Variants in LRPAP1 observed in about 807,000 individuals in gnomAD.
LRPAP1 encodes LDL receptor related protein associated protein 1, also known as alpha-2-macroglobulin receptor-associated protein.
Under a neutral mutation model 39.9 loss-of-function variants are expected in LRPAP1, and 41 were observed. That is an observed-to-expected ratio of 1.03 (90% confidence interval 0.80 to 1.33). LRPAP1 has a LOEUF of 1.33. Among genes scored for constraint, LRPAP1 ranks in the 40% most tolerant of loss-of-function variants. LRPAP1 has a pLI of 0.00. For missense variants in LRPAP1, 565 were observed against 482.3 expected (o/e 1.17, Z -1.61); for synonymous variants, 263 against 212.7 (o/e 1.24, Z -2.06).
intron 7 of LRPAP1, among the ~76,000 whole-genome samples, 154 bp from the exon 8 acceptor site, chr4:3,513,190 A>C (rs1729587628): frequency 6.6e-6 from 1 of 152,270 alleles, no homozygotes; most frequent in Non-Finnish European, 1.5e-5. Context: ...AGAAATGCTC[A>C]AATCACAAAA....
At chr4:3,513,371 G>C (rs957069947) in intron 7 of LRPAP1, among the ~76,000 whole-genome samples, 1 of 152,190 alleles carries the variant, frequency 6.6e-6, no homozygotes, top group African/African-American at 2.4e-5. Context: ...GCAGTGGCAT[G>C]ATCTCAGCTC....
Position 3,504,644 on chromosome 4 carries a change from C to T in LRPAP1, c.*8330G>A, listed in dbSNP as rs566076078. Among the ~76,000 whole-genome samples, 131 of 149,110 alleles carry T rather than the reference C, an allele frequency of 8.8e-4. 3 individuals are homozygous for T. The highest frequency in any genetic ancestry group is 2.4e-3 in the South Asian group (11 of 4,624). On this transcript the variant is annotated 3_prime_UTR_variant, in exon 8 of 8. Coordinates refer to ENST00000650182, the MANE Select transcript of LRPAP1 (RefSeq NM_002337.4). ...AGGGGCCTGTAATCCCAGCTACTTG[C>T]GAGGCTGAGGCAGGAGAATTTCTTG...
intron 3 of LRPAP1, 120 bp from the exon 4 acceptor site, chr4:3,519,111 T>A: frequency 6.8e-7 from 1 of 1,477,472 alleles, no homozygotes; most frequent in Non-Finnish European, 9.0e-7. Flanking sequence ...CCAGGCCAGG[T>A]TCTTGGCCTC....
Position 3,508,614 on chromosome 4 carries a change from C to G in LRPAP1, c.*4360G>C, listed in dbSNP as rs1729422622. 6.6e-6 allele frequency: 1 copy of G among 152,166 alleles called. No homozygotes were observed. Among genetic ancestry groups the G allele is most frequent in the African/African-American group, 2.4e-5 (1 of 41,400 alleles). The allele number at this position is 152,166 out of a possible 1,614,324, so 9.4% of individuals were successfully genotyped here. On this transcript the variant is annotated 3_prime_UTR_variant, in exon 8 of 8. Coordinates refer to ENST00000650182, the MANE Select transcript of LRPAP1 (RefSeq NM_002337.4). ...AGAAAAGGCCAATGCACCATGGCCA[C>G]AGGGACTTACCTGGAAATGCCAGGT...
intron 3 of LRPAP1, 144 bp downstream of exon 3, chr4:3,519,928 G>A: frequency 5.7e-6 from 5 of 881,226 alleles, no homozygotes; most frequent in Non-Finnish European, 6.8e-6. Flanking sequence ...CAGTGGAATG[G>A]CTTCCTTAGG....
intron 1 of LRPAP1, among the ~76,000 whole-genome samples, chr4:3,529,876 C>A (rs886743157): frequency 1.3e-5 from 2 of 152,166 alleles, no homozygotes; most frequent in Admixed American, 1.3e-4. Flanking sequence ...AACAGGGACA[C>A]GATGTTTTCA....
intron 2 of LRPAP1, among the ~76,000 whole-genome samples, chr4:3,524,455 C>T (rs1051967074): frequency 6.6e-6 from 1 of 152,260 alleles, no homozygotes; most frequent in African/African-American, 2.4e-5. Flanking sequence ...GTCCTCCGGC[C>T]CCTTCCTGCA....
intron 2 of LRPAP1, among the ~76,000 whole-genome samples, chr4:3,522,358 A>G (rs1379138604): frequency 1.3e-5 from 2 of 152,268 alleles, no homozygotes. Context: ...CACGGCTGCG[A>G]TCAGCAGCAG....
rs1161355648 is a variant in LRPAP1, at chr4:3,532,207, A to T, written c.204+2T>A. The T allele has an allele frequency of 6.5e-7, 1 of 1,547,790 alleles. No homozygotes were observed. Among genetic ancestry groups the T allele is most frequent in the Non-Finnish European group, 8.7e-7 (1 of 1,145,684 alleles). On this transcript the variant is annotated splice_donor_variant, in intron 1 of 7. Coordinates refer to ENST00000650182, the MANE Select transcript of LRPAP1 (RefSeq NM_002337.4). LOFTEE classifies it high-confidence loss of function. ...GCTCCACCGACCGCGGGCCGCGCTC[A>T]CTCGCTGGGCCTTCTCCCACAGCTG...
At chr4:3,530,980 C>T (rs576757591) in intron 1 of LRPAP1, among the ~76,000 whole-genome samples, 6 of 152,110 alleles carry the variant, frequency 3.9e-5, no homozygotes, top group Admixed American at 3.3e-4. Flanking sequence ...GCAGTGGGCA[C>T]GGGGAGGCAG....
rs115100861 is a variant in LRPAP1 at position 3,531,515 on chromosome 4, T to C, written c.204+694A>G. 3.5e-3 allele frequency among the ~76,000 whole-genome samples: 529 copies of C among 152,298 alleles called. 4 individuals carry two copies. Among genetic ancestry groups the C allele is most frequent in the African/African-American group, 0.011 (467 of 41,564 alleles). Reference sequence around the variant, plus strand: ...AACAAATGAAGCAACCGTATCTTAATGAAGAGAGCAGCTGGCCCAGGGTCA... The same window carrying C: ...AACAAATGAAGCAACCGTATCTTAACGAAGAGAGCAGCTGGCCCAGGGTCA... On this transcript the variant is annotated intron_variant, in intron 1 of 7. Transcript: ENST00000650182.
chr4:3,520,708 T>G (rs1259799922), intron 2 of LRPAP1, among the ~76,000 whole-genome samples: 5 of 152,198 alleles, frequency 3.3e-5, no homozygotes, highest in Non-Finnish European at 7.3e-5. Flanking sequence ...CTTATATTTA[T>G]TGGGAGGAAA....
intron 5 of LRPAP1, 76 bp from the exon 6 acceptor site, chr4:3,516,274 G>C: frequency 6.2e-6 from 7 of 1,126,072 alleles, no homozygotes; most frequent in Non-Finnish European, 9.1e-6. Flanking sequence ...CAACCACGCT[G>C]AGTGTGCGTG....
At position 3,518,275 on chromosome 4, in the gene LRPAP1, G is replaced by A. The variant is rs1729789587; in HGVS notation, c.593-83C>T. The stretch of plus-strand genomic sequence containing the variant: ...ACCACTGTCTAGAACGCCCACTGCT[G>A]GGGAGCTCAAACTCGCTCTCATTTC... On this transcript the variant is annotated intron_variant, in intron 4 of 7. Transcript: ENST00000650182. The A allele has an allele frequency of 4.9e-6, 7 of 1,431,838 alleles. No individual in the cohort carries two copies. The East Asian group carries it at 7.3e-5, about 15-fold the overall frequency. 88.7% of individuals were successfully genotyped at this position (1,431,838 alleles called of 1,614,324 possible).
At position 3,504,780 on chromosome 4, in the gene LRPAP1, C is replaced by A. The variant is rs1197713396; in HGVS notation, c.*8194G>T. On this transcript the variant is annotated 3_prime_UTR_variant, in exon 8 of 8. Coordinates refer to ENST00000650182, the MANE Select transcript of LRPAP1 (RefSeq NM_002337.4). ...AAAAAAAAAACCAAAAAACAAAACA[C>A]ACACACACACAGAAAAATTAGCTGG... 1.2e-4 allele frequency among the ~76,000 whole-genome samples: 18 copies of A among 147,134 alleles called. No individual in the cohort carries two copies. The East Asian group carries it at 3.6e-3, about 29-fold the overall frequency.
chr4:3,508,992 A>T lies in LRPAP1; in HGVS notation c.*3982T>A, dbSNP rs1729434333. On this transcript the variant is annotated 3_prime_UTR_variant, in exon 8 of 8. Transcript: ENST00000650182. ...ACGGAAACCCCACGAGTCCACAGAAACACCGCCATGGCCAAGGCGGGAGTT... is the reference window on the plus strand; with the variant it reads ...ACGGAAACCCCACGAGTCCACAGAATCACCGCCATGGCCAAGGCGGGAGTT... 1 of 152,244 alleles carries T rather than the reference A, an allele frequency of 6.6e-6. No homozygotes were observed. The highest frequency in any genetic ancestry group is 1.5e-5 in the Non-Finnish European group (1 of 68,054). The allele number at this position is 152,244 out of a possible 1,614,324, so 9.4% of individuals were successfully genotyped here.
chr4:3,522,178 C>A lies in LRPAP1; in HGVS notation c.350-1985G>T, dbSNP rs113891046. Among the ~76,000 whole-genome samples, 289 of 152,342 alleles carry A rather than the reference C, an allele frequency of 1.9e-3. 1 individual carries two copies. Among genetic ancestry groups the A allele is most frequent in the Middle Eastern group, 0.01 (3 of 294 alleles). On this transcript the variant is annotated intron_variant, in intron 2 of 7. Coordinates refer to ENST00000650182, the MANE Select transcript of LRPAP1 (RefSeq NM_002337.4). Reference sequence around the variant, plus strand: ...CTGCTCAGCAGCACTGAGGTCCCACCCCCAGGCCGTGCACCCCTGAGCCCG... The same window carrying A: ...CTGCTCAGCAGCACTGAGGTCCCACACCCAGGCCGTGCACCCCTGAGCCCG...
chr4:3,514,407 C>T (rs1729627382), intron 7 of LRPAP1, among the ~76,000 whole-genome samples: 1 of 148,418 alleles, frequency 6.7e-6, no homozygotes, highest in Non-Finnish European at 1.5e-5. Flanking sequence ...GGGAAGGAGG[C>T]TCGCCTGTCT....
In LRPAP1 at chr4:3,504,976, G is replaced by A. The variant is rs560295499; in HGVS notation, c.*7998C>T. Among the ~76,000 whole-genome samples the A allele has an allele frequency of 6.6e-6, 1 of 152,184 alleles. No individual in the cohort carries two copies. The highest frequency in any genetic ancestry group is 1.9e-4 in the East Asian group (1 of 5,184). ...AAAAAATAAATAACAAAGAACAGAA[G>A]ACAACATGACCCCACAAGTGAACCA... On this transcript the variant is annotated 3_prime_UTR_variant, in exon 8 of 8. Coordinates refer to ENST00000650182, the MANE Select transcript of LRPAP1 (RefSeq NM_002337.4).
Sources: gnomAD v4.1 joint callset for allele counts (sites outside exome capture counted in the v4.1 genomes callset) on GRCh38, gnomAD v4.1.1 for gene constraint, MANE v1.5 for transcripts, NCBI Gene and HGNC (gene_info 2026-07-23, HGNC 2026-07-21) for gene names.